Variants in TNRC6B observed in about 807,000 individuals in gnomAD.
TNRC6B encodes trinucleotide repeat containing adaptor 6B.
In TNRC6B, 52 loss-of-function variants were observed where a neutral mutation model predicts 203.6. That is an observed-to-expected ratio of 0.26 (90% CI 0.20 to 0.32). The LOEUF is 0.32. Ranked by LOEUF, TNRC6B falls within the 10% of genes least tolerant of loss-of-function variation. The pLI is 1.00. For missense variants in TNRC6B, 1,923 were observed against 2,286.2 expected (o/e 0.84, Z 3.24); for synonymous variants, 838 against 845.7 (o/e 0.99, Z 0.16).
intron 1 of TNRC6B, among the ~76,000 whole-genome samples, chr22:40,058,689 G>A (rs890276989): frequency 1.3e-5 from 2 of 152,162 alleles, no homozygotes; most frequent in Non-Finnish European, 2.9e-5. Flanking sequence ...CTTCACCTCC[G>A]TCTGGAGAGG....
intron 1 of TNRC6B, among the ~76,000 whole-genome samples, chr22:40,219,834 C>T (rs1184581680): frequency 1.3e-5 from 2 of 152,162 alleles, no homozygotes; most frequent in African/African-American, 4.8e-5. Context: ...GTATTGATTA[C>T]TACTGGAATC....
At chr22:40,107,028 G>A in intron 1 of TNRC6B, 1 of 1,036,794 alleles carries the variant, frequency 9.6e-7, no homozygotes, top group Non-Finnish European at 1.5e-6. Context: ...TTCTGGCACA[G>A]CAGGAACCTT....
At chr22:40,232,340 T>C (rs532037622) in intron 1 of TNRC6B, among the ~76,000 whole-genome samples, 5 of 152,282 alleles carry the variant, frequency 3.3e-5, no homozygotes, top group African/African-American at 1.2e-4. Flanking sequence ...GGTAAGGGGA[T>C]AGAAAACCAG....
chr22:40,277,768 G>T (rs2070665962), intron 8 of TNRC6B, among the ~76,000 whole-genome samples: 1 of 152,208 alleles, frequency 6.6e-6, no homozygotes, highest in Admixed American at 6.5e-5. Flanking sequence ...TGCTCTCTTT[G>T]TAGACTTATT....
chr22:40,085,912 C>T (rs1231635418), intron 1 of TNRC6B, among the ~76,000 whole-genome samples: 1 of 151,870 alleles, frequency 6.6e-6, no homozygotes, highest in Non-Finnish European at 1.5e-5. Context: ...GTTCTATTGT[C>T]CAGTCTGTAG....
intron 1 of TNRC6B, among the ~76,000 whole-genome samples, chr22:40,066,592 T>C (rs1366606172): frequency 1.3e-5 from 2 of 152,136 alleles, no homozygotes; most frequent in African/African-American, 4.8e-5. Flanking sequence ...CTTGTGTGAT[T>C]TGTAAACTAG....
At chr22:40,239,900 C>T (rs2070004505) in intron 1 of TNRC6B, among the ~76,000 whole-genome samples, 2 of 151,882 alleles carry the variant, frequency 1.3e-5, no homozygotes, top group South Asian at 4.2e-4. Context: ...TGCAGTGGCG[C>T]GATCTCAGCT....
intron 1 of TNRC6B, among the ~76,000 whole-genome samples, chr22:40,209,075 G>A (rs1386783068): frequency 6.6e-6 from 1 of 151,962 alleles, no homozygotes; most frequent in Non-Finnish European, 1.5e-5. Flanking sequence ...TTATTTTTTG[G>A]CAACTAAGTA....
At chr22:40,106,074 G>GT (rs1407977788) in intron 1 of TNRC6B, among the ~76,000 whole-genome samples, 5 of 151,798 alleles carry the variant, frequency 3.3e-5, no homozygotes, top group African/African-American at 1.2e-4. Flanking sequence ...GATAATTTTG[G>GT]TTTTTTTGTC....
At chr22:40,074,069 CAAA>C (rs34190410) in intron 1 of TNRC6B, among the ~76,000 whole-genome samples, 9 of 95,512 alleles carry the variant, frequency 9.4e-5, no homozygotes, top group African/African-American at 6.8e-5. Flanking sequence ...AACTCCATCT[CAAA>C]AAAAAAAAAA....
chr22:40,317,392 A>G (rs2071274055), intron 21 of TNRC6B, among the ~76,000 whole-genome samples: 1 of 152,168 alleles, frequency 6.6e-6, no homozygotes, highest in South Asian at 2.1e-4. Flanking sequence ...ATCCTGGCCA[A>G]CATGGTGAAA....
chr22:40,136,860 CATT>C (rs529608046), intron 3 of TNRC6B, among the ~76,000 whole-genome samples: 5 of 152,106 alleles, frequency 3.3e-5, no homozygotes, highest in Admixed American at 6.6e-5. Context: ...ATTAATATAA[CATT>C]ATCATTATCA....
At chr22:40,052,313 C>T (rs987270175) in intron 1 of TNRC6B, among the ~76,000 whole-genome samples, 1 of 151,854 alleles carries the variant, frequency 6.6e-6, no homozygotes, top group Non-Finnish European at 1.5e-5. Flanking sequence ...GGTAATATTA[C>T]AATATTTAAC....
intron 1 of TNRC6B, among the ~76,000 whole-genome samples, chr22:40,221,421 T>C (rs531021375): frequency 3.2e-4 from 48 of 152,340 alleles, no homozygotes; most frequent in Non-Finnish European, 5.9e-4. Context: ...TGAAGATTTT[T>C]GGCTACCTCT....
At chr22:40,212,258 T>C (rs2069574724) in intron 1 of TNRC6B, among the ~76,000 whole-genome samples, 1 of 152,200 alleles carries the variant, frequency 6.6e-6, no homozygotes, top group Non-Finnish European at 1.5e-5. Context: ...CAGACTTGGC[T>C]CTACCACCTA....
Position 40,278,052 on chromosome 22 carries a change from T to C in TNRC6B, c.3262+8T>C. 6.4e-7 allele frequency: 1 copy of C among 1,558,570 alleles called. No individual in the cohort carries two copies. The highest frequency in any genetic ancestry group is 8.7e-7 in the Non-Finnish European group (1 of 1,148,962). On this transcript the variant is annotated splice_region_variant and intron_variant, in intron 9 of 22. Transcript: ENST00000454349. ...AAATGGATTTGTCTGTAGGTGTGTA[T>C]CACTCCGCTGAAAAGAATGGAGTAT...
intron 4 of TNRC6B, among the ~76,000 whole-genome samples, chr22:40,160,646 C>T (rs2068864197): frequency 6.6e-6 from 1 of 152,120 alleles, no homozygotes; most frequent in South Asian, 2.1e-4. Flanking sequence ...GTCACTGCAA[C>T]CTCAAACTCC....
At chr22:40,060,941 G>A (rs1180440049) in intron 1 of TNRC6B, among the ~76,000 whole-genome samples, 2 of 152,170 alleles carry the variant, frequency 1.3e-5, no homozygotes, top group Non-Finnish European at 2.9e-5. Flanking sequence ...GGTAGGTAGA[G>A]TTTAGACACA....
At chr22:40,106,442 C>T (rs1601818433) in intron 1 of TNRC6B, 2 of 844,122 alleles carry the variant, frequency 2.4e-6, no homozygotes, top group Non-Finnish European at 4.0e-6. Context: ...TTAAGGGCCA[C>T]AGGAAGTTAT....
Sources: allele counts gnomAD v4.1 joint callset (sites outside exome capture counted in the v4.1 genomes callset), GRCh38; gene constraint gnomAD v4.1.1; transcripts MANE v1.5; gene names NCBI Gene and HGNC (gene_info 2026-07-23, HGNC 2026-07-21).